Variants in MET observed in about 807,000 individuals in gnomAD.
MET encodes hepatocyte growth factor receptor.
A neutral mutation model predicts 133.1 loss-of-function variants in MET; 48 were observed. That is an observed-to-expected ratio of 0.36 (90% CI 0.29 to 0.46). The LOEUF is 0.46. Ranked by LOEUF, MET falls within the 20% of genes least tolerant of loss-of-function variation. The probability of loss-of-function intolerance (pLI) is 1.00; values close to 1 mark genes in which losing one functional copy is unlikely to be tolerated. For synonymous variants in MET, 628 were observed against 616.5 expected, an observed-to-expected ratio of 1.02 and a Z score of -0.28; for missense variants, 1,442 against 1,695.9, an observed-to-expected ratio of 0.85 and a Z score of 2.63.
chr7:116,684,958 C>A (rs1459867959), intron 1 of MET, among the ~76,000 whole-genome samples: 1 of 152,112 alleles, frequency 6.6e-6, no homozygotes, highest in Non-Finnish European at 1.5e-5. Context: ...AGTGACACTG[C>A]CCTGACCATG....
At chr7:116,736,670 C>T (rs1318551704) in intron 3 of MET, among the ~76,000 whole-genome samples, 2 of 152,160 alleles carry the variant, frequency 1.3e-5, no homozygotes, top group African/African-American at 4.8e-5. Flanking sequence ...GAGATCAAAA[C>T]CACAACCATT....
chr7:116,719,656 A>T lies in MET; in HGVS notation c.1201-12012A>T, dbSNP rs1035573539. Among the ~76,000 whole-genome samples, 148 of 152,238 alleles carry T rather than the reference A, an allele frequency of 9.7e-4. 1 individual carries two copies. The highest frequency in any genetic ancestry group is 3.4e-3 in the African/African-American group (142 of 41,540). The stretch of plus-strand genomic sequence containing the variant: ...TTTAAGTCTTTAATCCATCTTGAAT[A>T]AATTTTTGTATAAGGTGTAAGGAAG... On this transcript the variant is annotated intron_variant, in intron 2 of 20. Coordinates refer to ENST00000397752, the MANE Select transcript of MET (RefSeq NM_000245.4).
At chr7:116,776,406 G>C (rs1050197733) in intron 15 of MET, among the ~76,000 whole-genome samples, 1 of 152,166 alleles carries the variant, frequency 6.6e-6, no homozygotes, top group African/African-American at 2.4e-5. Flanking sequence ...ATTTTAGAGT[G>C]TGTGGACTCA....
At chr7:116,751,737 G>A (rs535544001) in intron 5 of MET, among the ~76,000 whole-genome samples, 3 of 152,146 alleles carry the variant, frequency 2.0e-5, no homozygotes, top group South Asian at 4.1e-4. Flanking sequence ...TATTCTGAAT[G>A]TATTAGGATG....
intron 2 of MET, among the ~76,000 whole-genome samples, chr7:116,721,711 C>T (rs1222627308): frequency 6.6e-6 from 1 of 151,984 alleles, no homozygotes; most frequent in Admixed American, 6.5e-5. Context: ...TTTCAAAGAA[C>T]ATCTTTATTT....
rs1796002012 is a variant in MET at position 116,672,338 on chromosome 7, G to C, written c.-254G>C. The C allele has an allele frequency of 3.2e-6, 1 of 310,084 alleles. No homozygotes were observed. Among genetic ancestry groups the C allele is most frequent in the South Asian group, 1.5e-4 (1 of 6,830 alleles). The allele number at this position is 310,084 out of a possible 1,614,324, so 19.2% of individuals were successfully genotyped here. A position where few individuals can be genotyped will look rare whatever the true frequency, so the allele number is the denominator to read the frequency against. On this transcript the variant is annotated 5_prime_UTR_variant, in exon 1 of 21. Coordinates refer to ENST00000397752, the MANE Select transcript of MET (RefSeq NM_000245.4). Reference sequence around the variant, plus strand: ...GCAGGGCAGCGCGCGTGTGGGAAGGGGCGGAGGGAGTGCGGCCGGCGGGCG... The same window carrying C: ...GCAGGGCAGCGCGCGTGTGGGAAGGCGCGGAGGGAGTGCGGCCGGCGGGCG...
intron 19 of MET, among the ~76,000 whole-genome samples, chr7:116,793,384 A>T (rs1288130005): frequency 6.6e-6 from 1 of 151,410 alleles, no homozygotes; most frequent in East Asian, 2.0e-4. Context: ...CATGTTGGCC[A>T]GGCTGGTCCC....
chr7:116,745,737 C>T (rs1244156630), intron 5 of MET, among the ~76,000 whole-genome samples: 3 of 152,200 alleles, frequency 2.0e-5, no homozygotes, highest in African/African-American at 7.2e-5. Context: ...ATGGAGAAAG[C>T]TGAAACTGGA....
chr7:116,781,390 A>G (rs1795150455), intron 17 of MET, among the ~76,000 whole-genome samples: 1 of 152,202 alleles, frequency 6.6e-6, no homozygotes, highest in Admixed American at 6.5e-5. Context: ...CCTGGAAAAT[A>G]ATAAAACTAC....
At chr7:116,687,054 G>A (rs1302260616) in intron 1 of MET, among the ~76,000 whole-genome samples, 3 of 152,248 alleles carry the variant, frequency 2.0e-5, no homozygotes, top group Non-Finnish European at 2.9e-5. Context: ...CAGGTGGAAG[G>A]TGGAGATTCC....
chr7:116,748,313 C>A (rs1030657521), intron 5 of MET, among the ~76,000 whole-genome samples: 1 of 152,184 alleles, frequency 6.6e-6, no homozygotes, highest in African/African-American at 2.4e-5. Context: ...AACTGAATAA[C>A]CTGCTCCTGA....
intron 19 of MET, among the ~76,000 whole-genome samples, chr7:116,792,540 C>T (rs1158837658): frequency 6.7e-6 from 1 of 150,040 alleles, no homozygotes; most frequent in East Asian, 2.0e-4. Flanking sequence ...TAATCAGCAT[C>T]ACCTCCTCTT....
chr7:116,732,524 T>G (rs192293739), intron 3 of MET, among the ~76,000 whole-genome samples: 25 of 152,318 alleles, frequency 1.6e-4, no homozygotes, highest in Admixed American at 9.8e-4. Context: ...ACTCTCTTGT[T>G]GGGTTGGTTT....
chr7:116,673,385 C>T (rs1796041955), intron 1 of MET, among the ~76,000 whole-genome samples: 1 of 152,168 alleles, frequency 6.6e-6, no homozygotes, highest in Admixed American at 6.5e-5. Flanking sequence ...CAAAGGAGCC[C>T]TCGGGCAGAA....
chr7:116,710,108 G>A (rs1791937102), intron 2 of MET, among the ~76,000 whole-genome samples: 1 of 152,146 alleles, frequency 6.6e-6, no homozygotes, highest in Non-Finnish European at 1.5e-5. Context: ...TGGCGCCAAT[G>A]TGGAAATAAA....
chr7:116,786,373 G>A (rs767491349), intron 19 of MET, among the ~76,000 whole-genome samples: 2 of 152,198 alleles, frequency 1.3e-5, no homozygotes, highest in Non-Finnish European at 2.9e-5. Context: ...CAGGGGTCAA[G>A]GCTGGGAATA....
intron 2 of MET, among the ~76,000 whole-genome samples, chr7:116,705,698 A>T (rs537568605): frequency 2.6e-4 from 39 of 152,274 alleles, no homozygotes; most frequent in African/African-American, 8.2e-4. Flanking sequence ...TGTACTTTTT[A>T]AAAAATGTAA....
At chr7:116,703,921 A>C (rs1395581151) in intron 2 of MET, among the ~76,000 whole-genome samples, 2 of 152,184 alleles carry the variant, frequency 1.3e-5, no homozygotes, top group East Asian at 3.8e-4. Flanking sequence ...CAATTAGCAC[A>C]CAACACTGTT....
chr7:116,722,809 C>A (rs1384803382), intron 2 of MET, among the ~76,000 whole-genome samples: 4 of 151,966 alleles, frequency 2.6e-5, no homozygotes, highest in Non-Finnish European at 5.9e-5. Context: ...GAATATTGGC[C>A]CCCACTCTCT....
Sources: gnomAD v4.1 joint callset for allele counts (sites outside exome capture counted in the v4.1 genomes callset) on GRCh38, gnomAD v4.1.1 for gene constraint, MANE v1.5 for transcripts, NCBI Gene and HGNC (gene_info 2026-07-23, HGNC 2026-07-21) for gene names.